Variants in CUX1 observed in about 807,000 individuals in gnomAD.
CUX1 encodes the protein cut like homeobox 1.
In CUX1, 31 loss-of-function variants were observed where a neutral mutation model predicts 158.8. The observed-to-expected ratio is 0.20, with a 90% confidence interval of 0.15 to 0.26. CUX1 has a LOEUF of 0.26. CUX1 is among the 10% of genes least tolerant of loss of function. CUX1 has a pLI of 1.00. For synonymous variants in CUX1, 879 were observed against 862.1 expected (o/e 1.02, Z -0.34); for missense variants, 1,589 against 2,014.6 (o/e 0.79, Z 4.04).
intron 3 of CUX1, among the ~76,000 whole-genome samples, chr7:102,046,928 C>A (rs1822890311): frequency 6.6e-6 from 1 of 152,148 alleles, no homozygotes; most frequent in Non-Finnish European, 1.5e-5. Context: ...GTCAGGGAGG[C>A]CACACTGGGA....
intron 4 of CUX1, among the ~76,000 whole-genome samples, chr7:102,087,271 C>T (rs1052286355): frequency 5.3e-5 from 8 of 151,920 alleles, no homozygotes; most frequent in Non-Finnish European, 8.8e-5. Flanking sequence ...CTCTTATTTT[C>T]TTAAGGGTTA....
At chr7:102,281,780 C>A in intron 20 of CUX1, 1 of 1,148,600 alleles carries the variant, frequency 8.7e-7, no homozygotes, top group Non-Finnish European at 1.3e-6. Context: ...GAAGCCCAGG[C>A]AGCCCTGCAG....
intron 3 of CUX1, among the ~76,000 whole-genome samples, chr7:102,068,714 G>A (rs1442452864): frequency 2.0e-5 from 3 of 152,108 alleles, no homozygotes; most frequent in Admixed American, 6.5e-5. Flanking sequence ...TAATAACATC[G>A]GAGACAGCAT....
intron 2 of CUX1, among the ~76,000 whole-genome samples, chr7:101,923,401 A>G (rs1805200521): frequency 6.6e-6 from 1 of 152,208 alleles, no homozygotes; most frequent in Non-Finnish European, 1.5e-5. Context: ...GGAGAACCAC[A>G]TTCCTGAGAT....
intron 22 of CUX1, chr7:102,282,903 C>T: frequency 1.1e-6 from 1 of 903,396 alleles, no homozygotes; most frequent in East Asian, 2.8e-5. Flanking sequence ...CATTCTGGCC[C>T]TCCCCCTACC....
At chr7:102,148,397 G>C (rs1835239959) in intron 8 of CUX1, among the ~76,000 whole-genome samples, 1 of 152,054 alleles carries the variant, frequency 6.6e-6, no homozygotes, top group Non-Finnish European at 1.5e-5. Context: ...AAATTAGCCA[G>C]GCGTGGTGGT....
chr7:102,122,994 G>A (rs1832216521), intron 8 of CUX1, among the ~76,000 whole-genome samples: 1 of 152,188 alleles, frequency 6.6e-6, no homozygotes, highest in Non-Finnish European at 1.5e-5. Flanking sequence ...ACTCTGGGAG[G>A]CCGAGATGGG....
At position 102,248,403 on chromosome 7, in the gene CUX1, G is replaced by A. The variant is rs782385216; in HGVS notation, c.3888-9G>A. On this transcript the variant is annotated splice_polypyrimidine_tract_variant and intron_variant, in intron 23 of 23. Coordinates refer to ENST00000292535, the MANE Select transcript of CUX1 (RefSeq NM_181552.4). This position sits in a 1 kb window ranked among gnomAD's most constrained non-coding sequence, Gnocchi z 5.8. ...CCCCCTCACGTCCCCGCCGCTTGTT[G>A]TCTTGTAGGTCTCGGATCCGCAGAG... 38 of 1,587,024 alleles carry A rather than the reference G, an allele frequency of 2.4e-5. No homozygotes were observed. The Middle Eastern group carries it at 6.6e-4, about 28-fold the overall frequency.
intron 20 of CUX1, among the ~76,000 whole-genome samples, chr7:102,206,993 C>T (rs985263306): frequency 1.3e-5 from 2 of 152,298 alleles, no homozygotes; most frequent in East Asian, 3.9e-4. Flanking sequence ...TTCTATGTGA[C>T]GGAACAAATC....
chr7:102,097,539 CT>C lies in CUX1; in HGVS notation c.406+46del, dbSNP rs1554484736. The C allele has an allele frequency of 2.7e-5, 40 of 1,474,244 alleles. No individual in the cohort carries two copies. The African/African-American group carries it at 3.8e-4, about 14-fold the overall frequency. 91.3% of individuals were successfully genotyped at this position (1,474,244 alleles called of 1,614,324 possible). ...TGCGTTCTTTGCTTTTTCTTTTCTT[CT>C]TTTTTTTCTCTTCTTTTTATTTTAA... On this transcript the variant is annotated intron_variant, in intron 5 of 23. Coordinates refer to ENST00000292535, the MANE Select transcript of CUX1 (RefSeq NM_181552.4).
intron 8 of CUX1, among the ~76,000 whole-genome samples, chr7:102,132,844 G>C (rs1554497778): frequency 6.6e-6 from 1 of 151,834 alleles, no homozygotes. Flanking sequence ...GCTAATTTTT[G>C]TATTTTTAGT....
At position 102,249,407 on chromosome 7, in the gene CUX1, C is replaced by T. The variant is rs999448915; in HGVS notation, c.*365C>T. On this transcript the variant is annotated 3_prime_UTR_variant, in exon 24 of 24. Coordinates refer to ENST00000292535, the MANE Select transcript of CUX1 (RefSeq NM_181552.4). ...AAGGTGCATATAGAAAACAAAGGAGCATTAAGCCCAATCTATGTCGTGTTT... is the reference window on the plus strand; with the variant it reads ...AAGGTGCATATAGAAAACAAAGGAGTATTAAGCCCAATCTATGTCGTGTTT... The T allele has an allele frequency of 2.0e-6, 2 of 988,544 alleles. No homozygotes were observed. The highest frequency in any genetic ancestry group is 2.4e-6 in the Non-Finnish European group (2 of 831,758). 61.2% of individuals were successfully genotyped at this position (988,544 alleles called of 1,614,324 possible).
Position 102,248,688 on chromosome 7 carries a change from CG to C in CUX1, c.4165del (p.Asp1389ThrfsTer96). ...CCCCGGGCCCGGACGACGCCCGCGA[CG>C]ACGACCACGAGGGAGGCCCCGTGGA... ...GTPGPDDARDDDHEGGPVEGP... is the reference protein window; with the variant it reads ...GTPGPDDARDXDHEGGPVEGP... On this transcript the variant is annotated frameshift_variant, in exon 24 of 24. Transcript: ENST00000292535. LOFTEE classifies it low-confidence loss of function (END_TRUNC). The surrounding 1 kb of genome is among the most constrained non-coding windows in gnomAD (Gnocchi z 5.8). 1 of 1,276,906 alleles carries C rather than the reference CG, an allele frequency of 7.8e-7. No homozygotes were observed. The highest frequency in any genetic ancestry group is 9.9e-7 in the Non-Finnish European group (1 of 1,009,308). 79.1% of individuals were successfully genotyped at this position (1,276,906 alleles called of 1,614,324 possible). A position where few individuals can be genotyped will look rare whatever the true frequency, so the allele number is the denominator to read the frequency against.
chr7:102,060,369 A>G (rs939140391), intron 3 of CUX1, among the ~76,000 whole-genome samples: 2 of 151,780 alleles, frequency 1.3e-5, no homozygotes, highest in Admixed American at 6.6e-5. Flanking sequence ...GGAATAACCT[A>G]TGGTGTGGTG....
intron 4 of CUX1, among the ~76,000 whole-genome samples, chr7:102,073,161 C>CTTTCTTTTTTTT (rs1826326705): frequency 2.1e-5 from 1 of 47,082 alleles, no homozygotes; most frequent in Non-Finnish European, 3.9e-5. Flanking sequence ...AATCTCTTTT[C>CTTTCTTTTTTTT]TTTCTTTTTT....
At chr7:102,039,739 C>G (rs1015185083) in intron 3 of CUX1, among the ~76,000 whole-genome samples, 5 of 151,850 alleles carry the variant, frequency 3.3e-5, no homozygotes, top group Admixed American at 6.6e-5. Flanking sequence ...CCCTTCCCTT[C>G]TAACCAGCCC....
At chr7:101,848,635 G>T (rs1190087049) in intron 1 of CUX1, among the ~76,000 whole-genome samples, 1 of 152,104 alleles carries the variant, frequency 6.6e-6, no homozygotes, top group African/African-American at 2.4e-5. Flanking sequence ...CTTTTGTGCA[G>T]AGTGAGGCTC....
At chr7:102,236,911 A>G (rs1231253496) in intron 22 of CUX1, among the ~76,000 whole-genome samples, 4 of 152,160 alleles carry the variant, frequency 2.6e-5, no homozygotes, top group Non-Finnish European at 5.9e-5. Flanking sequence ...TGCGGGGCCC[A>G]GACCTTTCCA....
At chr7:102,178,781 T>A in intron 11 of CUX1, 124 bp downstream of exon 11, 1 of 1,033,310 alleles carries the variant, frequency 9.7e-7, no homozygotes, top group Non-Finnish European at 1.4e-6. Flanking sequence ...TGAACCTCTG[T>A]AAAGTAGCAC....
Sources: gnomAD v4.1 joint callset for allele counts (sites outside exome capture counted in the v4.1 genomes callset) on GRCh38, gnomAD v4.1.1 for gene constraint, Gnocchi (gnomAD v3.1) non-coding constraint, MANE v1.5 for transcripts, NCBI Gene and HGNC (gene_info 2026-07-23, HGNC 2026-07-21) for gene names.